CSMD3: variants seen among roughly 807,000 people sequenced by gnomAD.
The protein encoded by CSMD3 is CUB and sushi domain-containing protein 3.
CSMD3 carries 177 observed loss-of-function variants against 435.2 expected under a neutral mutation model. The observed-to-expected ratio is 0.41, with a 90% CI of 0.36 to 0.46. The LOEUF is 0.46. CSMD3 is among the 20% of genes least tolerant of loss of function. The pLI, the probability that CSMD3 is intolerant of heterozygous loss-of-function variation, is 0.34. For synonymous variants in CSMD3, 1,656 were observed against 1,520.5 expected (o/e 1.09, Z -2.07); for missense variants, 4,265 against 4,504.6 (o/e 0.95, Z 1.52).
intron 13 of CSMD3, among the ~76,000 whole-genome samples, chr8:112,691,477 T>C (rs2076136511): frequency 6.6e-6 from 1 of 152,078 alleles, no homozygotes; most frequent in South Asian, 2.1e-4. Flanking sequence ...CAAAGGTTAT[T>C]TTCCTATTTA....
intron 11 of CSMD3, 73 bp downstream of exon 11, chr8:112,859,072 T>C (rs2129853063): frequency 1.4e-6 from 2 of 1,411,594 alleles, no homozygotes; most frequent in East Asian, 2.3e-5. Flanking sequence ...ATACTGCATG[T>C]TCCGTATTAT....
intron 3 of CSMD3, among the ~76,000 whole-genome samples, chr8:113,272,564 T>C (rs1235441453): frequency 3.3e-5 from 5 of 152,170 alleles, no homozygotes; most frequent in Non-Finnish European, 5.9e-5. Context: ...GCCAGCACCA[T>C]GTAAGAAATG....
chr8:112,310,386 T>A (rs2130808746), intron 50 of CSMD3: 1 of 154,046 alleles, frequency 6.5e-6, no homozygotes, highest in South Asian at 2.0e-4. Context: ...ACATGCAATT[T>A]TTTGATTAAC....
intron 13 of CSMD3, among the ~76,000 whole-genome samples, chr8:112,693,998 G>C (rs2076196542): frequency 6.6e-6 from 1 of 151,154 alleles, no homozygotes; most frequent in Non-Finnish European, 1.5e-5. Flanking sequence ...GAAAAATTAT[G>C]TTGTCATTTC....
At chr8:113,425,116 A>G (rs2942851) in intron 1 of CSMD3, among the ~76,000 whole-genome samples, 35,606 of 151,360 alleles carry the variant, frequency 0.24, 4,573 homozygotes, top group Non-Finnish European at 0.3. Context: ...GGAATGTCTC[A>G]AAGAGTTCTA....
At chr8:112,944,211 C>T (rs1053706711) in intron 9 of CSMD3, among the ~76,000 whole-genome samples, 3 of 151,606 alleles carry the variant, frequency 2.0e-5, no homozygotes, top group Non-Finnish European at 3.0e-5. Flanking sequence ...CTAGATGCGG[C>T]GTTACTAACG....
At chr8:112,547,344 A>G (rs1160801195) in intron 27 of CSMD3, among the ~76,000 whole-genome samples, 2 of 152,054 alleles carry the variant, frequency 1.3e-5, no homozygotes, top group East Asian at 3.9e-4. Flanking sequence ...TAATTAAAAT[A>G]CCATTACCAG....
intron 2 of CSMD3, among the ~76,000 whole-genome samples, chr8:113,291,047 T>C (rs913094426): frequency 1.3e-5 from 2 of 151,536 alleles, no homozygotes; most frequent in African/African-American, 4.8e-5. Flanking sequence ...TACATAATAA[T>C]GTCTTCATAT....
chr8:113,424,410 A>C (rs2094624331), intron 1 of CSMD3, among the ~76,000 whole-genome samples: 1 of 151,772 alleles, frequency 6.6e-6, no homozygotes, highest in Admixed American at 6.6e-5. Flanking sequence ...ACAAATGGAA[A>C]AAATTACTAA....
intron 4 of CSMD3, among the ~76,000 whole-genome samples, chr8:113,113,318 G>A (rs2090721008): frequency 6.6e-6 from 1 of 152,128 alleles, no homozygotes; most frequent in Non-Finnish European, 1.5e-5. Flanking sequence ...CAGTGCAATT[G>A]CTGAAATTTG....
intron 9 of CSMD3, among the ~76,000 whole-genome samples, chr8:112,927,732 G>A (rs1213321086): frequency 6.6e-6 from 1 of 151,836 alleles, no homozygotes; most frequent in African/African-American, 2.4e-5. Flanking sequence ...TATACCTATT[G>A]CCTATTTCCT....
At chr8:113,195,092 G>C in intron 3 of CSMD3, among the ~76,000 whole-genome samples, 1 of 151,118 alleles carries the variant, frequency 6.6e-6, no homozygotes, top group East Asian at 1.9e-4. Flanking sequence ...ACATTTAATG[G>C]TTGTCCTTAT....
chr8:112,972,136 A>G lies in CSMD3; in HGVS notation c.1342+3701T>C, dbSNP rs552840918. Among the ~76,000 whole-genome samples, 5 of 152,130 alleles carry G rather than the reference A, an allele frequency of 3.3e-5. No individual in the cohort carries two copies. In the South Asian group the frequency reaches 1.0e-3, roughly 31 times the overall value. ...TCCATGTTTCTATGTGTTCATAATAATATTGATGTCAATTATTAATACATG... is the reference window on the plus strand; with the variant it reads ...TCCATGTTTCTATGTGTTCATAATAGTATTGATGTCAATTATTAATACATG... On this transcript the variant is annotated intron_variant, in intron 7 of 70. Coordinates refer to ENST00000297405, the MANE Select transcript of CSMD3 (RefSeq NM_198123.2).
chr8:113,004,673 T>G (rs904598861), intron 6 of CSMD3, among the ~76,000 whole-genome samples: 8 of 151,826 alleles, frequency 5.3e-5, no homozygotes, highest in Non-Finnish European at 1.0e-4. Context: ...TCTAACACAA[T>G]GAAAAAAGTT....
chr8:112,522,516 T>G (rs1824402229), intron 27 of CSMD3, among the ~76,000 whole-genome samples: 1 of 151,832 alleles, frequency 6.6e-6, no homozygotes, highest in Admixed American at 6.6e-5. Flanking sequence ...AAATTGTCCA[T>G]CAGTACAAGA....
intron 20 of CSMD3, among the ~76,000 whole-genome samples, chr8:112,641,030 G>A (rs188531538): frequency 2.5e-4 from 38 of 152,166 alleles, no homozygotes; most frequent in Admixed American, 7.2e-4. Context: ...ACCTTTCTGA[G>A]CCCTACTTTC....
intron 10 of CSMD3, among the ~76,000 whole-genome samples, chr8:112,913,179 A>G (rs2082475206): frequency 6.6e-6 from 1 of 151,908 alleles, no homozygotes; most frequent in South Asian, 2.1e-4. Context: ...CCTTTTAGGC[A>G]CCAGGGACTG....
rs148842733 is a variant in CSMD3 at position 112,960,340 on chromosome 8, T to C, written c.1343-5579A>G. On this transcript the variant is annotated intron_variant, in intron 7 of 70. Transcript: ENST00000297405. ...GCTAGATTGAAAACTAAACAATATT[T>C]CTGCAGTATCTCCTTTAACATCTTT... Among the ~76,000 whole-genome samples the C allele has an allele frequency of 6.7e-3, 1,010 of 151,876 alleles. 12 individuals carry two copies. The highest frequency in any genetic ancestry group is 0.023 in the African/African-American group (968 of 41,544).
chr8:112,360,949 C>A (rs1827136670), intron 38 of CSMD3, among the ~76,000 whole-genome samples: 1 of 151,826 alleles, frequency 6.6e-6, no homozygotes, highest in African/African-American at 2.4e-5. Context: ...ATTTTGCAGC[C>A]ATTTTTTAAA....
Sources: gnomAD v4.1 joint callset for allele counts (sites outside exome capture counted in the v4.1 genomes callset) on GRCh38, gnomAD v4.1.1 for gene constraint, MANE v1.5 for transcripts, NCBI Gene and HGNC (gene_info 2026-07-23, HGNC 2026-07-21) for gene names.